PACRG: variants seen among roughly 807,000 people sequenced by gnomAD.
The protein encoded by PACRG is parkin coregulated gene protein.
Under a neutral mutation model 29.7 loss-of-function variants are expected in PACRG, and 29 were observed. The ratio of observed to expected loss-of-function variants is 0.98; its 90% CI spans 0.73 to 1.33. The LOEUF (loss-of-function observed/expected upper bound fraction) is 1.33. PACRG is among the 40% of genes most tolerant of loss of function. The probability of loss-of-function intolerance (pLI) is 0.00; values close to 1 mark genes in which losing one functional copy is unlikely to be tolerated. For synonymous variants in PACRG, 116 were observed against 118.7 expected, an observed-to-expected ratio of 0.98 and a Z score of 0.15; for missense variants, 279 against 316.2, an observed-to-expected ratio of 0.88 and a Z score of 0.89.
chr6:162,829,029 A>G (rs1788518948), intron 2 of PACRG, among the ~76,000 whole-genome samples: 1 of 152,248 alleles, frequency 6.6e-6, no homozygotes, highest in Non-Finnish European at 1.5e-5. Flanking sequence ...GCAAATATAT[A>G]TTTCCTTTGT....
At chr6:163,277,895 C>G (rs1376165947) in intron 4 of PACRG, among the ~76,000 whole-genome samples, 1 of 152,038 alleles carries the variant, frequency 6.6e-6, no homozygotes, top group East Asian at 1.9e-4. Flanking sequence ...ACTTTTAGCT[C>G]TTTAAGGAAT....
intron 2 of PACRG, among the ~76,000 whole-genome samples, chr6:162,868,577 G>C (rs964163374): frequency 2.6e-5 from 4 of 152,128 alleles, no homozygotes; most frequent in Admixed American, 6.5e-5. Context: ...CCCTTGCTCT[G>C]GCATTGAGTT....
chr6:163,074,294 A>G (rs1812342863), intron 3 of PACRG, among the ~76,000 whole-genome samples: 1 of 152,200 alleles, frequency 6.6e-6, no homozygotes, highest in Admixed American at 6.5e-5. Flanking sequence ...ACTGGAGGTC[A>G]TTATGTTAAG....
At position 162,797,419 on chromosome 6, in the gene PACRG, A is replaced by T. The variant is rs183578617; in HGVS notation, c.157-16728A>T. ...AGGTGCTTATCTATTGTCTTCTGGGATGAGACATTGAACTGGAAACACGAA... is the reference window on the plus strand; with the variant it reads ...AGGTGCTTATCTATTGTCTTCTGGGTTGAGACATTGAACTGGAAACACGAA... On this transcript the variant is annotated intron_variant, in intron 1 of 4. Coordinates refer to ENST00000366888, the MANE Select transcript of PACRG (RefSeq NM_001080379.2). 4.6e-4 allele frequency among the ~76,000 whole-genome samples: 70 copies of T among 152,308 alleles called. 1 individual carries two copies. The highest frequency in any genetic ancestry group is 6.8e-3 in the Middle Eastern group (2 of 294).
chr6:163,218,509 C>G (rs1781453972), intron 4 of PACRG, among the ~76,000 whole-genome samples: 1 of 152,170 alleles, frequency 6.6e-6, no homozygotes, highest in Non-Finnish European at 1.5e-5. Context: ...CTGACCCCGT[C>G]CCCTCTGCAA....
rs6907868 is a variant in PACRG, at chr6:163,066,504, G to A, written c.463+4183G>A. Among the ~76,000 whole-genome samples, 101 of 152,252 alleles carry A rather than the reference G, an allele frequency of 6.6e-4. 1 individual carries two copies. The highest frequency in any genetic ancestry group is 2.3e-3 in the African/African-American group (96 of 41,542). ...TTATGTCTAAATAGTGGAGGGAAAA[G>A]AGTTTCAAAGCCACATGAAGTGTTG... On this transcript the variant is annotated intron_variant, in intron 3 of 4. Coordinates refer to ENST00000366888, the MANE Select transcript of PACRG (RefSeq NM_001080379.2).
chr6:163,211,537 A>G (rs996078930), intron 4 of PACRG, among the ~76,000 whole-genome samples: 1 of 152,162 alleles, frequency 6.6e-6, no homozygotes, highest in Non-Finnish European at 1.5e-5. Flanking sequence ...ATCTAGGCAT[A>G]TATCTATGTA....
At chr6:163,250,883 G>GTATATATATATATATATATATATA (rs368878258) in intron 4 of PACRG, among the ~76,000 whole-genome samples, 4 of 138,094 alleles carry the variant, frequency 2.9e-5, no homozygotes, top group African/African-American at 1.1e-4. Flanking sequence ...AGAAATTGTT[G>GTATATATATATATATATATATATA]TATATATATA....
intron 2 of PACRG, among the ~76,000 whole-genome samples, chr6:163,032,110 G>C (rs1022646009): frequency 3.9e-5 from 6 of 152,164 alleles, no homozygotes; most frequent in African/African-American, 1.2e-4. Flanking sequence ...ATCAGATAGA[G>C]AGAAACAAAT....
At chr6:162,737,143 C>G (rs1261123581) in intron 1 of PACRG, among the ~76,000 whole-genome samples, 4 of 152,152 alleles carry the variant, frequency 2.6e-5, no homozygotes, top group Non-Finnish European at 5.9e-5. Context: ...TTGAATGTGC[C>G]TATTCTAGCT....
chr6:162,909,416 G>A (rs1321544104), intron 2 of PACRG, among the ~76,000 whole-genome samples: 5 of 151,944 alleles, frequency 3.3e-5, no homozygotes, highest in African/African-American at 4.8e-5. Context: ...TTAGCCAGGC[G>A]TGGTGGAGGG....
chr6:162,881,985 G>T (rs1459870091), intron 2 of PACRG, among the ~76,000 whole-genome samples: 1 of 119,762 alleles, frequency 8.3e-6, no homozygotes, highest in Non-Finnish European at 1.7e-5. Flanking sequence ...CTTCCACTAA[G>T]GACAGAGACC....
chr6:162,977,806 C>A (rs1012367281), intron 2 of PACRG, among the ~76,000 whole-genome samples: 1 of 152,104 alleles, frequency 6.6e-6, no homozygotes, highest in African/African-American at 2.4e-5. Context: ...CCAAAACTAC[C>A]TTATTTTTTA....
intron 2 of PACRG, among the ~76,000 whole-genome samples, chr6:162,814,775 G>C (rs1261544245): frequency 6.6e-6 from 1 of 152,032 alleles, no homozygotes; most frequent in Non-Finnish European, 1.5e-5. Context: ...CTCCGTCCCC[G>C]CCTGTGTCAG....
chr6:162,815,294 T>TA (rs1554284498), intron 2 of PACRG, among the ~76,000 whole-genome samples: 1 of 151,838 alleles, frequency 6.6e-6, no homozygotes, highest in African/African-American at 2.4e-5. Flanking sequence ...AAATTTATGT[T>TA]AAAAATAAAA....
intron 2 of PACRG, among the ~76,000 whole-genome samples, chr6:163,012,977 C>A (rs1805753982): frequency 6.6e-6 from 1 of 151,934 alleles, no homozygotes; most frequent in East Asian, 1.9e-4. Flanking sequence ...ATGAGGTTAA[C>A]CCAAATTGTA....
intron 2 of PACRG, among the ~76,000 whole-genome samples, chr6:163,043,343 G>GTCAACCC (rs1808944143): frequency 6.6e-6 from 1 of 152,168 alleles, no homozygotes; most frequent in Admixed American, 6.5e-5. Flanking sequence ...TCATTTTGAG[G>GTCAACCC]TCAGGAGTTT....
chr6:163,288,372 C>T lies in PACRG; in HGVS notation c.614-26455C>T, dbSNP rs566069356. Reference sequence around the variant, plus strand: ...AGTGGCAAGAGCCCGACAGGCCTGTCTCCTGGTGTGCCACCTCCATACTTT... The same window carrying T: ...AGTGGCAAGAGCCCGACAGGCCTGTTTCCTGGTGTGCCACCTCCATACTTT... On this transcript the variant is annotated intron_variant, in intron 4 of 4. Transcript: ENST00000366888. Among the ~76,000 whole-genome samples, 5 of 152,346 alleles carry T rather than the reference C, an allele frequency of 3.3e-5. No individual in the cohort carries two copies. The South Asian group carries it at 1.0e-3, about 32-fold the overall frequency.
chr6:163,135,917 T>G (rs1466282436), intron 4 of PACRG, among the ~76,000 whole-genome samples: 1 of 152,232 alleles, frequency 6.6e-6, no homozygotes, highest in African/African-American at 2.4e-5. Flanking sequence ...ATTAATCAAG[T>G]TTCTTTTCTA....
Sources: allele counts gnomAD v4.1 joint callset (sites outside exome capture counted in the v4.1 genomes callset), GRCh38; gene constraint gnomAD v4.1.1; transcripts MANE v1.5; gene names NCBI Gene and HGNC (gene_info 2026-07-23, HGNC 2026-07-21).